The following UGT1A5 variants were observed in gnomAD, a reference collection of about 807,000 sequenced individuals.
The protein encoded by UGT1A5 is UDP glucuronosyltransferase family 1 member A5, also known as UDP-glucuronosyltransferase 1A5.
Under a neutral mutation model 40.3 loss-of-function variants are expected in UGT1A5, and 29 were observed. The ratio of observed to expected loss-of-function variants is 0.72; its 90% CI spans 0.54 to 0.98. The LOEUF (loss-of-function observed/expected upper bound fraction) is 0.98, where lower values mean the gene tolerates loss of function less well. Among genes scored for constraint, UGT1A5 ranks in the 50% least tolerant of loss-of-function variants. The pLI, the probability that UGT1A5 is intolerant of heterozygous loss-of-function variation, is 0.00. For missense variants in UGT1A5, 678 were observed against 677.9 expected (o/e 1.00, Z 0.00); for synonymous variants, 257 against 262.5 (o/e 0.98, Z 0.20).
rs562671697 is a variant in UGT1A5, at chr2:233,715,584, C to A, written c.867+1726C>A. On this transcript the variant is annotated intron_variant, in intron 1 of 4. Transcript: ENST00000373414. The stretch of plus-strand genomic sequence containing the variant: ...CCCAGGAGTCTGAGAGCAGCCTGGG[C>A]AACATGCTGAGACTCCATCTCTACA... 7.4e-4 allele frequency among the ~76,000 whole-genome samples: 112 copies of A among 152,108 alleles called. 1 individual carries two copies. Among genetic ancestry groups the A allele is most frequent in the African/African-American group, 2.5e-3 (104 of 41,484 alleles).
chr2:233,740,052 T>C (rs368597738), intron 1 of UGT1A5, among the ~76,000 whole-genome samples: 5 of 151,870 alleles, frequency 3.3e-5, no homozygotes, highest in African/African-American at 1.2e-4. Context: ...CTTTCTCCTT[T>C]ACTCACAAGC....
chr2:233,728,584 C>T (rs553325629), intron 1 of UGT1A5, among the ~76,000 whole-genome samples: 5 of 152,182 alleles, frequency 3.3e-5, no homozygotes, highest in Non-Finnish European at 7.3e-5. Flanking sequence ...GAAAAACGAC[C>T]AAAACCACAT....
intron 1 of UGT1A5, chr2:233,756,296 T>C (rs1295271846): frequency 6.6e-6 from 1 of 152,242 alleles, no homozygotes; most frequent in Non-Finnish European, 1.5e-5. Flanking sequence ...ACAGTATTTG[T>C]ATATAACCTA....
At chr2:233,759,068 T>G (rs1168767781) in intron 1 of UGT1A5, among the ~76,000 whole-genome samples, 1 of 152,198 alleles carries the variant, frequency 6.6e-6, no homozygotes, top group African/African-American at 2.4e-5. Flanking sequence ...GAAAAGGAAT[T>G]TGGAAGAAAG....
intron 1 of UGT1A5, 43 bp downstream of exon 1, chr2:233,713,901 C>T (rs1232618327): frequency 1.9e-6 from 3 of 1,612,940 alleles, no homozygotes; most frequent in East Asian, 2.2e-5. Flanking sequence ...CCAGGCAAAA[C>T]ACTTTTTAAA....
Position 233,769,575 on chromosome 2 carries a change from G to A in UGT1A5, c.1307+1136G>A. On this transcript the variant is annotated intron_variant, in intron 4 of 4. Coordinates refer to ENST00000373414, the MANE Select transcript of UGT1A5 (RefSeq NM_019078.2). The surrounding 1 kb of genome is among the most constrained non-coding windows in gnomAD (Gnocchi z 4.4). ...AGACAGATGTGAAGAGCTGGAGCAT[G>A]TTCAGATGAGAGGAGACGGAACACG... The A allele has an allele frequency of 6.2e-7, 1 of 1,612,906 alleles. No homozygotes were observed. Among genetic ancestry groups the A allele is most frequent in the Middle Eastern group, 1.7e-4 (1 of 6,060 alleles).
chr2:233,749,360 T>C (rs1258225347), intron 1 of UGT1A5, among the ~76,000 whole-genome samples: 1 of 151,902 alleles, frequency 6.6e-6, no homozygotes, highest in South Asian at 2.1e-4. Flanking sequence ...AAATAGTGAC[T>C]CTTGCCCTTT....
chr2:233,719,860 C>G (rs995167263), intron 1 of UGT1A5, among the ~76,000 whole-genome samples: 4 of 152,118 alleles, frequency 2.6e-5, no homozygotes, highest in African/African-American at 9.7e-5. Flanking sequence ...TCAGTGGTCA[C>G]TGAGAGGAAG....
At chr2:233,755,508 C>T (rs1304593728) in intron 1 of UGT1A5, 5 of 166,694 alleles carry the variant, frequency 3.0e-5, no homozygotes, top group Non-Finnish European at 5.2e-5. Flanking sequence ...AGACCAGGCC[C>T]CGCCCACTCC....
chr2:233,728,324 C>T (rs1309797848), intron 1 of UGT1A5, among the ~76,000 whole-genome samples: 1 of 152,194 alleles, frequency 6.6e-6, no homozygotes, highest in Non-Finnish European at 1.5e-5. Context: ...GGCCAGGCTC[C>T]AGCTCCCCCA....
chr2:233,763,660 ACTC>A (rs2126005319), intron 1 of UGT1A5, among the ~76,000 whole-genome samples: 1 of 152,174 alleles, frequency 6.6e-6, no homozygotes, highest in South Asian at 2.1e-4. Context: ...TCTTGATAAA[ACTC>A]CTGAACTTTA....
intron 1 of UGT1A5, chr2:233,743,916 T>A: frequency 7.3e-7 from 1 of 1,364,598 alleles, no homozygotes; most frequent in South Asian, 1.1e-5. Context: ...TAGTCCACCA[T>A]GCTGGATGGC....
chr2:233,729,056 T>G, intron 1 of UGT1A5: 1 of 1,610,084 alleles, frequency 6.2e-7, no homozygotes, highest in Non-Finnish European at 8.5e-7. Flanking sequence ...ACAAGGTAAT[T>G]AAGATGAAGA....
At chr2:233,755,317 G>C (rs1457699650) in intron 1 of UGT1A5, 17 of 525,588 alleles carry the variant, frequency 3.2e-5, no homozygotes, top group Non-Finnish European at 5.3e-5. Context: ...CGAGCGGCAA[G>C]GCTGCCAGCA....
chr2:233,757,994 T>C (rs1233482965), intron 1 of UGT1A5, among the ~76,000 whole-genome samples: 1 of 152,092 alleles, frequency 6.6e-6, no homozygotes, highest in Non-Finnish European at 1.5e-5. Context: ...TCCCCTGTAA[T>C]TGCCTGGTCA....
intron 1 of UGT1A5, among the ~76,000 whole-genome samples, chr2:233,725,221 A>G: frequency 1.1e-5 from 1 of 87,460 alleles, no homozygotes; most frequent in African/African-American, 8.3e-5. Context: ...GAGGCAGAGG[A>G]GGCAGAGGCA....
Position 233,747,246 on chromosome 2 carries a change from G to C in UGT1A5, c.868-19788G>C, listed in dbSNP as rs1208197105. On this transcript the variant is annotated intron_variant, in intron 1 of 4. Coordinates refer to ENST00000373414, the MANE Select transcript of UGT1A5 (RefSeq NM_019078.2). ...CAGGACCCCAGGTTCCCCTGCTGTG[G>C]CTGGCCACAGGAGTGCTACTCCTTC... The C allele has an allele frequency of 3.7e-6, 6 of 1,601,870 alleles. No individual in the cohort carries two copies. The African/African-American group carries it at 5.4e-5, about 14-fold the overall frequency.
At chr2:233,752,907 C>T (rs1171888690) in intron 1 of UGT1A5, among the ~76,000 whole-genome samples, 1 of 152,232 alleles carries the variant, frequency 6.6e-6, no homozygotes, top group East Asian at 1.9e-4. Flanking sequence ...ACAGATCCAC[C>T]TCTGAGTGAC....
intron 1 of UGT1A5, among the ~76,000 whole-genome samples, chr2:233,724,154 G>A (rs1327662182): frequency 4.4e-3 from 337 of 76,566 alleles, no homozygotes; most frequent in Admixed American, 6.4e-3. Context: ...CTGGCCGGGT[G>A]GGGGGGCTGA....
Sources: allele counts gnomAD v4.1 joint callset (sites outside exome capture counted in the v4.1 genomes callset), GRCh38; gene constraint gnomAD v4.1.1; non-coding constraint Gnocchi (gnomAD v3.1); transcripts MANE v1.5; gene names NCBI Gene and HGNC (gene_info 2026-07-23, HGNC 2026-07-21).